TCF4: variants seen among roughly 807,000 people sequenced by gnomAD.
TCF4 encodes SL3-3 enhancer factor 2.
In TCF4, 3 loss-of-function variants were observed where a neutral mutation model predicts 82.1. The observed-to-expected ratio is 0.04, with a 90% confidence interval of 0.02 to 0.09. The LOEUF (loss-of-function observed/expected upper bound fraction) is 0.09, where lower values mean the gene tolerates loss of function less well. Ranked by LOEUF, TCF4 falls within the 10% of genes least tolerant of loss-of-function variation. TCF4 has a pLI of 1.00. For missense variants in TCF4, 518 were observed against 852.7 expected (o/e 0.61, Z 4.89); for synonymous variants, 276 against 309.6 (o/e 0.89, Z 1.14).
chr18:55,461,982 GA>G (rs892088360), intron 4 of TCF4, among the ~76,000 whole-genome samples: 18 of 152,040 alleles, frequency 1.2e-4, no homozygotes, highest in Middle Eastern at 3.4e-3. Flanking sequence ...AAAAAGGGGG[GA>G]AAAAGTCATT....
chr18:55,269,927 T>C lies in TCF4; in HGVS notation c.826A>G (p.Ser276Gly). ...PSHSSADINSSLPPMSTFHRS... is the reference protein window; with the variant it reads ...PSHSSADINSGLPPMSTFHRS... ...TGGAAAGTGGACATCGGAGGAAGAC[T>C]GGAATTGATGTCTGCTGAGGAGTGT... The change falls in exon 11 of 20, where the codon AGT (serine) becomes GGT (glycine). Residue 276 changes from serine (S) to glycine (G), a missense_variant. Ser to Gly is a moderately conservative substitution (Grantham distance 56). Around this residue, in one of 7 missense-constraint regions of TCF4, gnomAD observed 211 missense variants for 327.4 expected, o/e 0.64. Transcript: ENST00000354452. 6.2e-7 allele frequency: 1 copy of C among 1,613,312 alleles called. No homozygotes were observed.
intron 2 of TCF4, among the ~76,000 whole-genome samples, chr18:55,629,302 C>T (rs2097729423): frequency 6.6e-6 from 1 of 152,202 alleles, no homozygotes; most frequent in Non-Finnish European, 1.5e-5. Context: ...TTATAGCTCT[C>T]TGGCAAAGCA....
At chr18:55,621,437 A>G (rs1249083128) in intron 2 of TCF4, among the ~76,000 whole-genome samples, 1 of 118,422 alleles carries the variant, frequency 8.4e-6, no homozygotes, top group African/African-American at 3.2e-5. Context: ...AATATATAAA[A>G]ATATATATAT....
At chr18:55,279,491 T>C in intron 9 of TCF4, 60 bp downstream of exon 9, 1 of 1,611,644 alleles carries the variant, frequency 6.2e-7, no homozygotes, top group Admixed American at 1.7e-5. Context: ...ATCTGTGACA[T>C]TAAGTGACCC....
chr18:55,528,162 G>A (rs564057500), intron 3 of TCF4, among the ~76,000 whole-genome samples: 1 of 152,306 alleles, frequency 6.6e-6, no homozygotes, highest in South Asian at 2.1e-4. Context: ...GCAACTTCAA[G>A]AGCACAGAAC....
chr18:55,430,385 T>C (rs944549412), intron 5 of TCF4, among the ~76,000 whole-genome samples: 11 of 152,192 alleles, frequency 7.2e-5, no homozygotes, highest in African/African-American at 2.4e-4. Context: ...GCAAAGCCAA[T>C]AATTTCCAAG....
intron 6 of TCF4, among the ~76,000 whole-genome samples, chr18:55,352,541 T>A (rs1373929256): frequency 1.3e-5 from 2 of 152,148 alleles, no homozygotes; most frequent in African/African-American, 4.8e-5. Context: ...AAAGCACATT[T>A]TGAGTAATAA....
intron 4 of TCF4, 84 bp downstream of exon 4, chr18:55,463,992 G>A (rs2095944310): frequency 6.4e-6 from 8 of 1,255,246 alleles, no homozygotes; most frequent in Non-Finnish European, 9.4e-6. Context: ...GAGAGAGAGA[G>A]AGAGAGAGAG....
At chr18:55,473,632 T>C (rs1285730772) in intron 3 of TCF4, among the ~76,000 whole-genome samples, 3 of 152,226 alleles carry the variant, frequency 2.0e-5, no homozygotes, top group Non-Finnish European at 4.4e-5. Context: ...TCTTGCATGT[T>C]ATCTTCAGGG....
At position 55,533,863 on chromosome 18, in the gene TCF4, T is replaced by C. The variant is rs866362847; in HGVS notation, c.145+51417A>G. Among the ~76,000 whole-genome samples, 7 of 152,190 alleles carry C rather than the reference T, an allele frequency of 4.6e-5. No individual in the cohort carries two copies. The South Asian group carries it at 1.4e-3, about 32-fold the overall frequency. ...CTTATCGTCTCATCTACCTTTCCCTTGTTCTTTCTTTTAAGAAAATACTTA... is the reference window on the plus strand; with the variant it reads ...CTTATCGTCTCATCTACCTTTCCCTCGTTCTTTCTTTTAAGAAAATACTTA... On this transcript the variant is annotated intron_variant, in intron 3 of 19. Coordinates refer to ENST00000354452, the MANE Select transcript of TCF4 (RefSeq NM_001083962.2).
intron 6 of TCF4, among the ~76,000 whole-genome samples, chr18:55,361,376 G>A (rs1386653657): frequency 6.6e-6 from 1 of 152,080 alleles, no homozygotes; most frequent in Non-Finnish European, 1.5e-5. Flanking sequence ...ACTGTTCTAG[G>A]CACTAGGAAG....
At chr18:55,484,992 C>T (rs1288249416) in intron 3 of TCF4, among the ~76,000 whole-genome samples, 1 of 152,184 alleles carries the variant, frequency 6.6e-6, no homozygotes, top group Non-Finnish European at 1.5e-5. Context: ...CCCTTGCCTT[C>T]CCCAGGCCAG....
chr18:55,433,956 C>T (rs1292778892), intron 5 of TCF4, among the ~76,000 whole-genome samples: 1 of 152,090 alleles, frequency 6.6e-6, no homozygotes, highest in Non-Finnish European at 1.5e-5. Context: ...TAGGCTAACA[C>T]TTTAAGGCAT....
At chr18:55,286,305 CTT>C (rs796742040) in intron 8 of TCF4, among the ~76,000 whole-genome samples, 228 of 141,568 alleles carry the variant, frequency 1.6e-3, no homozygotes, top group African/African-American at 5.8e-3. Flanking sequence ...CTTTTTCTAC[CTT>C]TTTTTTTTTT....
At chr18:55,406,126 C>CTTTTTTTTTTTTTTTTTTT (rs34522468) in intron 5 of TCF4, among the ~76,000 whole-genome samples, 2 of 116,100 alleles carry the variant, frequency 1.7e-5, no homozygotes, top group Non-Finnish European at 1.8e-5. Context: ...GGGAGGTGGA[C>CTTTTTTTTTTTTTTTTTTT]TTTTTTTTTT....
In TCF4 at chr18:55,400,925, G is replaced by A. The variant is rs917001192; in HGVS notation, c.369+2529C>T. On this transcript the variant is annotated intron_variant, in intron 6 of 19. Coordinates refer to ENST00000354452, the MANE Select transcript of TCF4 (RefSeq NM_001083962.2). ...TGGAGCTCCTTAGGGCACACCATCT[G>A]AAGGTTTCCTATTCCGTATCTCAAT... 1.0e-5 allele frequency: 13 copies of A among 1,280,842 alleles called. No individual in the cohort carries two copies. The African/African-American group carries it at 2.0e-4, about 20-fold the overall frequency. 79.3% of individuals were successfully genotyped at this position (1,280,842 alleles called of 1,614,324 possible).
At chr18:55,287,756 G>T (rs1363965599) in intron 8 of TCF4, among the ~76,000 whole-genome samples, 1 of 152,204 alleles carries the variant, frequency 6.6e-6, no homozygotes, top group Admixed American at 6.5e-5. Flanking sequence ...CACACCAGGG[G>T]TTACAAAAAC....
intron 3 of TCF4, among the ~76,000 whole-genome samples, chr18:55,502,206 A>AT (rs1355163922): frequency 6.6e-6 from 1 of 152,106 alleles, no homozygotes; most frequent in East Asian, 1.9e-4. Context: ...TGTTGTGGTC[A>AT]TTTTTCTTCA....
At chr18:55,627,168 T>A (rs1242965384) in intron 2 of TCF4, among the ~76,000 whole-genome samples, 2 of 152,176 alleles carry the variant, frequency 1.3e-5, no homozygotes, top group Non-Finnish European at 2.9e-5. Context: ...ATGGCTCCCT[T>A]TTCACAGTTA....
Sources: allele counts gnomAD v4.1 joint callset (sites outside exome capture counted in the v4.1 genomes callset), GRCh38; gene constraint gnomAD v4.1.1; regional missense constraint gnomAD v4.1.1; transcripts MANE v1.5; gene names NCBI Gene and HGNC (gene_info 2026-07-23, HGNC 2026-07-21).